The following MCMBP variants were observed in gnomAD, a reference collection of about 807,000 sequenced individuals.
MCMBP encodes the protein minichromosome maintenance complex binding protein, also known as mini-chromosome maintenance complex-binding protein.
Under a neutral mutation model 81.3 loss-of-function variants are expected in MCMBP, and 31 were observed. That is an observed-to-expected ratio of 0.38 (90% CI 0.29 to 0.51). MCMBP has a LOEUF of 0.51. MCMBP is among the 20% of genes least tolerant of loss of function. The pLI is 0.87. For missense variants in MCMBP, 645 were observed against 772.1 expected, an observed-to-expected ratio of 0.84 and a Z score of 1.95; for synonymous variants, 267 against 275.9, an observed-to-expected ratio of 0.97 and a Z score of 0.32.
intron 6 of MCMBP, among the ~76,000 whole-genome samples, chr10:119,851,922 G>A (rs1247998865): frequency 2.0e-5 from 3 of 152,010 alleles, no homozygotes; most frequent in Admixed American, 2.0e-4. Context: ...GGAGGCCGAG[G>A]CAAGTGGATC....
At chr10:119,833,582 T>C (rs1852128523) in intron 14 of MCMBP, among the ~76,000 whole-genome samples, 1 of 151,224 alleles carries the variant, frequency 6.6e-6, no homozygotes, top group South Asian at 2.2e-4. Context: ...GGCAAGAGGA[T>C]CACTTGAGCC....
chr10:119,845,175 A>G (rs1447786981), intron 8 of MCMBP, among the ~76,000 whole-genome samples: 4 of 152,206 alleles, frequency 2.6e-5, no homozygotes, highest in African/African-American at 7.2e-5. Flanking sequence ...AATCTCATAT[A>G]CTATTATTAA....
chr10:119,835,839 G>T, intron 13 of MCMBP, 135 bp from the exon 14 acceptor site: 3 of 945,168 alleles, frequency 3.2e-6, no homozygotes, highest in African/African-American at 1.7e-5. Flanking sequence ...AGGGAATAAT[G>T]TTTTTTTTTC....
At chr10:119,836,809 T>A in intron 13 of MCMBP, 87 bp downstream of exon 13, 8 of 439,866 alleles carry the variant, frequency 1.8e-5, no homozygotes, top group Non-Finnish European at 2.3e-5. Flanking sequence ...CAAATGTAAC[T>A]TATTAATAAG....
chr10:119,868,540 G>A (rs1004013171), intron 1 of MCMBP, among the ~76,000 whole-genome samples: 1 of 152,192 alleles, frequency 6.6e-6, no homozygotes, highest in East Asian at 1.9e-4. Flanking sequence ...TGTCCACTGA[G>A]CACTTTCAAT....
chr10:119,854,526 G>A (rs1316242825), intron 5 of MCMBP, among the ~76,000 whole-genome samples: 1 of 144,026 alleles, frequency 6.9e-6, no homozygotes, highest in African/African-American at 2.6e-5. Flanking sequence ...AACAAAGGGA[G>A]AGACCCTGTC....
At position 119,836,829 on chromosome 10, in the gene MCMBP, GA is replaced by G. The variant is rs1246230836; in HGVS notation, c.1542+66del. On this transcript the variant is annotated intron_variant, in intron 13 of 15. Coordinates refer to ENST00000369077, the MANE Select transcript of MCMBP (RefSeq NM_001256378.2). ...GTAACTTATTAATAAGCGGTACCAA[GA>G]AACAGCAAAAATGTAGGTATTTTTC... 8.2e-6 allele frequency: 6 copies of G among 732,264 alleles called. No homozygotes were observed. In the African/African-American group the frequency reaches 9.1e-5, roughly 11 times the overall value. 45.4% of individuals were successfully genotyped at this position (732,264 alleles called of 1,614,324 possible). A position where few individuals can be genotyped will look rare whatever the true frequency, so the allele number is the denominator to read the frequency against.
At chr10:119,832,227 G>C (rs924292753) in intron 14 of MCMBP, 127 bp from the exon 15 acceptor site, 3 of 646,094 alleles carry the variant, frequency 4.6e-6, no homozygotes, top group Non-Finnish European at 7.7e-6. Context: ...ATGGGTGAAA[G>C]TACCAAAGCA....
At chr10:119,873,324 C>G (rs1442026774), upstream of MCMBP, 1 of 152,196 alleles carries the variant, frequency 6.6e-6, no homozygotes, top group Non-Finnish European at 1.5e-5. Flanking sequence ...CTCAGCTGCA[C>G]AAGGTCTCCC....
chr10:119,853,554 T>C (rs1350187131), intron 5 of MCMBP, among the ~76,000 whole-genome samples: 3 of 152,180 alleles, frequency 2.0e-5, no homozygotes, highest in Admixed American at 6.5e-5. Context: ...CAAAGAGCAG[T>C]AGAGGCCCTC....
At position 119,832,041 on chromosome 10, in the gene MCMBP, A is replaced by C. The variant is rs888409440; in HGVS notation, c.1767T>G (p.Asp589Glu). 1.7e-5 allele frequency: 28 copies of C among 1,612,990 alleles called. No homozygotes were observed. The highest frequency in any genetic ancestry group is 2.3e-5 in the Non-Finnish European group (27 of 1,179,766). The change falls in exon 15 of 16, where the codon GAT (aspartate) becomes GAG (glutamate). Residue 589 changes from aspartate to glutamate, a missense_variant. Transcript: ENST00000369077. ...CCACCACGAGCAGCTGGTGAAGATC[A>C]TCAGCAGTGATGCTCTGAGGGTCGT... The part of the protein sequence containing the change: ...RKNDPQSITA[D>E]DLHQLLVVAR...
In MCMBP at chr10:119,835,626, C is replaced by T; in HGVS notation, c.1621G>A (p.Val541Met). The change falls in exon 14 of 16, where the codon GTG (valine) becomes ATG (methionine). Residue 541 changes from valine to methionine, a missense_variant. Physicochemically the swap from Val to Met is conservative, Grantham distance 21. Coordinates refer to ENST00000369077, the MANE Select transcript of MCMBP (RefSeq NM_001256378.2). ...AATTTGTTCAGCACGGAAGGCAGCA[C>T]CGCTGAGAGAAGGCTGTTCATGTAC... ...EEYMNSLLSA[V>M]LPSVLNKFRI... The T allele has an allele frequency of 6.2e-7, 1 of 1,614,176 alleles. No individual in the cohort carries two copies.
chr10:119,858,865 ATATAT>A lies in MCMBP; in HGVS notation c.327+14_327+18del. 1 of 1,553,690 alleles carries A rather than the reference ATATAT, an allele frequency of 6.4e-7. No homozygotes were observed. Among genetic ancestry groups the A allele is most frequent in the Non-Finnish European group, 8.8e-7 (1 of 1,142,472 alleles). On this transcript the variant is annotated intron_variant, in intron 4 of 15. Coordinates refer to ENST00000369077, the MANE Select transcript of MCMBP (RefSeq NM_001256378.2). ...AAAATTCTTACTAAAAATGTTTCAT[ATATAT>A]TAAAGATACATACCCCACACTCTGC...
In MCMBP at chr10:119,858,872, A is replaced by T. The variant is rs776653751; in HGVS notation, c.327+12T>A. 3.2e-6 allele frequency: 5 copies of T among 1,581,180 alleles called. No individual in the cohort carries two copies. The highest frequency in any genetic ancestry group is 4.3e-6 in the Non-Finnish European group (5 of 1,160,160). ...TTACTAAAAATGTTTCATATATATT[A>T]AAGATACATACCCCACACTCTGCTA... On this transcript the variant is annotated intron_variant, in intron 4 of 15. Transcript: ENST00000369077.
chr10:119,863,771 C>T (rs568926008), intron 1 of MCMBP, among the ~76,000 whole-genome samples: 172 of 88,178 alleles, frequency 2.0e-3, no homozygotes, highest in South Asian at 3.3e-3. Flanking sequence ...AAAAAAGCAA[C>T]GAAGACACAG....
At position 119,830,726 on chromosome 10, in the gene MCMBP, T is replaced by G. The variant is rs1302989027; in HGVS notation, c.*748A>C. ...TTAAAGGACTCCTCTTATTCAGAGA[T>G]AGATTGTCCTTTCCTTTTATGAAAA... On this transcript the variant is annotated 3_prime_UTR_variant, in exon 16 of 16. Coordinates refer to ENST00000369077, the MANE Select transcript of MCMBP (RefSeq NM_001256378.2). 2.0e-5 allele frequency: 3 copies of G among 150,708 alleles called. No homozygotes were observed. The highest frequency in any genetic ancestry group is 4.9e-5 in the African/African-American group (2 of 40,774). The allele number at this position is 150,708 out of a possible 1,614,324, so 9.3% of individuals were successfully genotyped here. A position where few individuals can be genotyped will look rare whatever the true frequency, so the allele number is the denominator to read the frequency against.
At chr10:119,864,692 TA>T (rs1262078264) in intron 1 of MCMBP, among the ~76,000 whole-genome samples, 1 of 150,874 alleles carries the variant, frequency 6.6e-6, no homozygotes, top group Admixed American at 6.7e-5. Flanking sequence ...AATTTGGGTT[TA>T]TTTTGCTCTT....
chr10:119,859,793 G>T lies in MCMBP; in HGVS notation c.144+6C>A. ...CCCTCTCCCTCGAAAATAGCAATAA[G>T]CTTACCCACTTAGGAGCATTATTTT... is the stretch of plus-strand genomic sequence containing the variant. On this transcript the variant is annotated splice_donor_region_variant and intron_variant, in intron 2 of 15. Coordinates refer to ENST00000369077, the MANE Select transcript of MCMBP (RefSeq NM_001256378.2). The T allele has an allele frequency of 6.2e-7, 1 of 1,604,278 alleles. No homozygotes were observed. Among genetic ancestry groups the T allele is most frequent in the African/African-American group, 1.3e-5 (1 of 74,750 alleles).
chr10:119,870,065 C>G (rs1004245680), intron 1 of MCMBP, among the ~76,000 whole-genome samples: 1 of 152,204 alleles, frequency 6.6e-6, no homozygotes, highest in Non-Finnish European at 1.5e-5. Flanking sequence ...CTGGACAGCA[C>G]ACTCTAGATT....
Sources: allele counts gnomAD v4.1 joint callset (sites outside exome capture counted in the v4.1 genomes callset), GRCh38; gene constraint gnomAD v4.1.1; transcripts MANE v1.5; gene names NCBI Gene and HGNC (gene_info 2026-07-23, HGNC 2026-07-21).